DRAM1: variants seen among roughly 807,000 people sequenced by gnomAD.
The protein encoded by DRAM1 is DNA damage-regulated autophagy modulator protein 1.
DRAM1 carries 25 observed loss-of-function variants against 28.5 expected under a neutral mutation model. The ratio of observed to expected loss-of-function variants is 0.88; its 90% CI spans 0.64 to 1.23. The LOEUF is 1.23. DRAM1 is among the 50% of genes most tolerant of loss of function. The pLI, the probability that DRAM1 is intolerant of heterozygous loss-of-function variation, is 0.00. For synonymous variants in DRAM1, 113 were observed against 114.2 expected (o/e 0.99, Z 0.07); for missense variants, 249 against 299.2 (o/e 0.83, Z 1.24).
chr12:101,916,204 G>A (rs1164395695), intron 5 of DRAM1, among the ~76,000 whole-genome samples: 1 of 152,222 alleles, frequency 6.6e-6, no homozygotes, highest in Non-Finnish European at 1.5e-5. Flanking sequence ...GATATGATGA[G>A]ATATCGAGGT....
chr12:101,920,062 A>C (rs1252097686), intron 5 of DRAM1, 47 bp from the exon 6 acceptor site: 3 of 1,371,434 alleles, frequency 2.2e-6, no homozygotes, highest in Non-Finnish European at 3.0e-6. Flanking sequence ...ATGTACATTA[A>C]AGTGAGTCTT....
At chr12:101,881,870 T>G (rs1473812351) in intron 1 of DRAM1, among the ~76,000 whole-genome samples, 1 of 152,164 alleles carries the variant, frequency 6.6e-6, no homozygotes, top group African/African-American at 2.4e-5. Context: ...TTTATTATGT[T>G]TATTTTCTGT....
intron 2 of DRAM1, among the ~76,000 whole-genome samples, chr12:101,899,720 G>T (rs1873526894): frequency 3.3e-5 from 5 of 149,822 alleles, no homozygotes; most frequent in Non-Finnish European, 3.0e-5. Context: ...TAAGTTATTA[G>T]TTTTTAGCCT....
intron 1 of DRAM1, among the ~76,000 whole-genome samples, chr12:101,892,176 C>T (rs901748494): frequency 4.0e-5 from 6 of 151,704 alleles, no homozygotes; most frequent in African/African-American, 9.7e-5. Context: ...TAAAATCAGA[C>T]GTGGAAAGAC....
At chr12:101,920,043 T>A in intron 5 of DRAM1, 66 bp from the exon 6 acceptor site, 1 of 1,142,390 alleles carries the variant, frequency 8.8e-7, no homozygotes, top group Non-Finnish European at 1.2e-6. Context: ...CTCCTCATTG[T>A]ATTTCAGTAT....
At chr12:101,908,107 C>T in intron 3 of DRAM1, 79 bp from the exon 4 acceptor site, 1 of 1,266,328 alleles carries the variant, frequency 7.9e-7, no homozygotes, top group Non-Finnish European at 1.1e-6. Context: ...TGGCTCAAAG[C>T]AGCCCAGAGT....
chr12:101,921,619 A>T lies in DRAM1; in HGVS notation c.*359A>T, dbSNP rs1874487923. On this transcript the variant is annotated 3_prime_UTR_variant, in exon 7 of 7. Coordinates refer to ENST00000258534, the MANE Select transcript of DRAM1 (RefSeq NM_018370.3). ...GAGATTTATGGAAATACACTAAATG[A>T]GTAATTCAGGTTCAGTACATTTATT... 5.8e-6 allele frequency: 1 copy of T among 171,048 alleles called. No homozygotes were observed. The highest frequency in any genetic ancestry group is 1.2e-5 in the Non-Finnish European group (1 of 80,978). The allele number at this position is 171,048 out of a possible 1,614,324, so 10.6% of individuals were successfully genotyped here.
At chr12:101,897,116 A>T (rs1416598183) in intron 1 of DRAM1, among the ~76,000 whole-genome samples, 1 of 152,034 alleles carries the variant, frequency 6.6e-6, no homozygotes, top group Non-Finnish European at 1.5e-5. Flanking sequence ...TTTTCAGCAG[A>T]TAATAAAATC....
rs1211815337 is a variant in DRAM1 at position 101,922,418 on chromosome 12, C to A, written c.*1158C>A. 5 of 152,290 alleles carry A rather than the reference C, an allele frequency of 3.3e-5. No homozygotes were observed. The highest frequency in any genetic ancestry group is 9.6e-5 in the African/African-American group (4 of 41,464). The allele number at this position is 152,290 out of a possible 1,614,324, so 9.4% of individuals were successfully genotyped here. ...GAATTCTCTCTTTCAAATCCTAGAG[C>A]ATAAACCCATGTGTGGCCAAGTGAG... On this transcript the variant is annotated 3_prime_UTR_variant, in exon 7 of 7. Transcript: ENST00000258534.
At chr12:101,884,807 A>G (rs1356265182) in intron 1 of DRAM1, among the ~76,000 whole-genome samples, 1 of 152,246 alleles carries the variant, frequency 6.6e-6, no homozygotes, top group Admixed American at 6.5e-5. Flanking sequence ...CAGGTCTTTA[A>G]CTTCAAAAAT....
chr12:101,904,814 T>C (rs1310535784), intron 3 of DRAM1, among the ~76,000 whole-genome samples: 1 of 152,036 alleles, frequency 6.6e-6, no homozygotes, highest in African/African-American at 2.4e-5. Context: ...ACCAAGAGAG[T>C]TTCTAAAAAG....
intron 1 of DRAM1, among the ~76,000 whole-genome samples, chr12:101,879,426 G>C (rs879472567): frequency 6.6e-6 from 1 of 152,142 alleles, no homozygotes; most frequent in African/African-American, 2.4e-5. Context: ...TGGCCTTTCG[G>C]TTTTTTCCAT....
chr12:101,914,293 G>C, intron 5 of DRAM1, 61 bp downstream of exon 5: 1 of 1,350,292 alleles, frequency 7.4e-7, no homozygotes, highest in Non-Finnish European at 1.0e-6. Context: ...TTGTGGCCAG[G>C]CTAGGCATAG....
intron 6 of DRAM1, 92 bp downstream of exon 6, chr12:101,920,293 C>CTTTATTTTT: frequency 3.4e-5 from 9 of 262,144 alleles, no homozygotes; most frequent in Non-Finnish European, 3.3e-5. Context: ...AAAAAGAGCA[C>CTTTATTTTT]TTTCTTTTTT....
At chr12:101,921,088 T>C in intron 6 of DRAM1, 128 bp from the exon 7 acceptor site, 2 of 728,052 alleles carry the variant, frequency 2.7e-6, no homozygotes, top group Non-Finnish European at 2.4e-6. Flanking sequence ...CTTTAGGACC[T>C]GACTCAAGCA....
chr12:101,881,600 C>T (rs757063651), intron 1 of DRAM1, among the ~76,000 whole-genome samples: 1 of 152,210 alleles, frequency 6.6e-6, no homozygotes, highest in Non-Finnish European at 1.5e-5. Context: ...AGCACCCGTC[C>T]TTCTCAAGAC....
chr12:101,877,858 C>T lies in DRAM1; in HGVS notation c.69C>T (p.Phe23=), dbSNP rs1037563617. ...FLLVTWSSAA[F]IISYVVAVLS... Reference sequence around the variant, plus strand: ...TGGTGACCTGGTCGTCAGCCGCCTTCATTATCTCCTACGTGGTCGCCGTGC... The same window carrying T: ...TGGTGACCTGGTCGTCAGCCGCCTTTATTATCTCCTACGTGGTCGCCGTGC... The change falls in exon 1 of 7, where the codon TTC becomes TTT. Residue 23 remains phenylalanine (F), a synonymous_variant. Transcript: ENST00000258534. This position sits in a 1 kb window ranked among gnomAD's most constrained non-coding sequence, Gnocchi z 4.1. 6.5e-7 allele frequency: 1 copy of T among 1,547,952 alleles called. No individual in the cohort carries two copies. Among genetic ancestry groups the T allele is most frequent in the Non-Finnish European group, 8.7e-7 (1 of 1,145,046 alleles).
intron 4 of DRAM1, among the ~76,000 whole-genome samples, 176 bp downstream of exon 4, chr12:101,908,539 T>C (rs1873912554): frequency 6.6e-6 from 1 of 151,926 alleles, no homozygotes; most frequent in Non-Finnish European, 1.5e-5. Flanking sequence ...AGCCAAGGAG[T>C]AGGATGAGGT....
intron 1 of DRAM1, among the ~76,000 whole-genome samples, chr12:101,894,953 C>A (rs996689637): frequency 6.6e-6 from 1 of 152,088 alleles, no homozygotes; most frequent in Non-Finnish European, 1.5e-5. Flanking sequence ...CTTTTTTATA[C>A]CCTCAGGCCA....
Sources: gnomAD v4.1 joint callset for allele counts (sites outside exome capture counted in the v4.1 genomes callset) on GRCh38, gnomAD v4.1.1 for gene constraint, Gnocchi (gnomAD v3.1) non-coding constraint, MANE v1.5 for transcripts, NCBI Gene and HGNC (gene_info 2026-07-23, HGNC 2026-07-21) for gene names.